SLC35F2: variants seen among roughly 807,000 people sequenced by gnomAD.
SLC35F2 encodes queuine/queuosine transporter SLC35F2.
Under a neutral mutation model 38.1 loss-of-function variants are expected in SLC35F2, and 25 were observed. That is an observed-to-expected ratio of 0.66 (90% CI 0.48 to 0.92). SLC35F2 has a LOEUF of 0.92. SLC35F2 is among the 40% of genes least tolerant of loss of function. SLC35F2 has a pLI of 0.00. For synonymous variants in SLC35F2, 173 were observed against 181.7 expected (o/e 0.95, Z 0.38); for missense variants, 409 against 452.9 (o/e 0.90, Z 0.88).
intron 1 of SLC35F2, among the ~76,000 whole-genome samples, chr11:107,827,471 G>A (rs1402242721): frequency 6.6e-6 from 1 of 152,116 alleles, no homozygotes; most frequent in African/African-American, 2.4e-5. Flanking sequence ...AAAAATGGCT[G>A]GATGTGGTGG....
chr11:107,818,834 C>T (rs185929077), intron 1 of SLC35F2, among the ~76,000 whole-genome samples: 30 of 152,026 alleles, frequency 2.0e-4, no homozygotes, highest in African/African-American at 7.0e-4. Context: ...AGTTTTTAGC[C>T]AGGTGGTAGA....
At chr11:107,807,017 G>T in intron 3 of SLC35F2, 141 bp from the exon 4 acceptor site, 2 of 681,602 alleles carry the variant, frequency 2.9e-6, no homozygotes, top group Non-Finnish European at 2.4e-6. Flanking sequence ...TGTACTAAGA[G>T]CTTTACCTGG....
At chr11:107,817,666 C>T (rs1859597399) in intron 1 of SLC35F2, among the ~76,000 whole-genome samples, 1 of 152,172 alleles carries the variant, frequency 6.6e-6, no homozygotes, top group South Asian at 2.1e-4. Flanking sequence ...ACTCTCACAG[C>T]TTATTTCATT....
chr11:107,812,151 C>T (rs1467492083), intron 2 of SLC35F2, among the ~76,000 whole-genome samples: 1 of 151,524 alleles, frequency 6.6e-6, no homozygotes, highest in Non-Finnish European at 1.5e-5. Flanking sequence ...AGTGATCTGC[C>T]TGCCTCAGCT....
chr11:107,820,828 C>A (rs914581216), intron 1 of SLC35F2, among the ~76,000 whole-genome samples: 1 of 152,002 alleles, frequency 6.6e-6, no homozygotes, highest in Non-Finnish European at 1.5e-5. Context: ...TAGTGGCAGG[C>A]GCCTGTAATC....
chr11:107,814,250 G>A (rs1336430617), intron 2 of SLC35F2, among the ~76,000 whole-genome samples: 2 of 151,938 alleles, frequency 1.3e-5, no homozygotes, highest in Admixed American at 1.3e-4. Flanking sequence ...GACAGATCAC[G>A]TAAGGTCAGG....
intron 1 of SLC35F2, among the ~76,000 whole-genome samples, chr11:107,837,926 A>G (rs1859956914): frequency 6.8e-6 from 1 of 147,930 alleles, no homozygotes; most frequent in African/African-American, 2.5e-5. Context: ...TTATACACAC[A>G]TAGTCTCACA....
chr11:107,857,889 T>G (rs961722740), intron 1 of SLC35F2, among the ~76,000 whole-genome samples: 2 of 152,178 alleles, frequency 1.3e-5, no homozygotes, highest in Admixed American at 1.3e-4. Flanking sequence ...GCTGATATTA[T>G]CCATATAAAT....
chr11:107,811,910 T>C (rs1859487767), intron 2 of SLC35F2, 116 bp from the exon 3 acceptor site: 1 of 1,030,158 alleles, frequency 9.7e-7, no homozygotes, highest in South Asian at 1.6e-5. Flanking sequence ...TTTTTCTTCT[T>C]CTTCTTTTTG....
rs1336499959 is a variant in SLC35F2, at chr11:107,791,955, T to C, written c.*660A>G. 6.6e-6 allele frequency: 1 copy of C among 152,114 alleles called. No homozygotes were observed. Among genetic ancestry groups the C allele is most frequent in the African/African-American group, 2.4e-5 (1 of 41,402 alleles). 9.4% of individuals were successfully genotyped at this position (152,114 alleles called of 1,614,324 possible). ...TTACAGTAAGCTGAGCTTGCACCAC[T>C]GCACTCTAGACTCTGCATCTCAAAC... is the stretch of plus-strand genomic sequence containing the variant. On this transcript the variant is annotated 3_prime_UTR_variant, in exon 8 of 8. Transcript: ENST00000525815.
At chr11:107,834,627 G>A (rs1177846946) in intron 1 of SLC35F2, among the ~76,000 whole-genome samples, 1 of 152,146 alleles carries the variant, frequency 6.6e-6, no homozygotes, top group Non-Finnish European at 1.5e-5. Flanking sequence ...TCCACCCTAG[G>A]TGACAAGAGT....
At chr11:107,846,268 G>C (rs942660813) in intron 1 of SLC35F2, among the ~76,000 whole-genome samples, 1 of 151,690 alleles carries the variant, frequency 6.6e-6, no homozygotes. Context: ...AAAAAAATCA[G>C]ACAAATAATC....
chr11:107,851,803 T>C (rs2134863407), intron 1 of SLC35F2, among the ~76,000 whole-genome samples: 1 of 152,146 alleles, frequency 6.6e-6, no homozygotes, highest in South Asian at 2.1e-4. Context: ...GGAGAAGAAT[T>C]TATGGAGACT....
rs1860204952 is a variant in SLC35F2, at chr11:107,852,643, G to A, written c.110+6015C>T. On this transcript the variant is annotated intron_variant, in intron 1 of 7. Coordinates refer to ENST00000525815, the MANE Select transcript of SLC35F2 (RefSeq NM_017515.5). Reference sequence around the variant, plus strand: ...CCAGCACTTTGGAGGGGGCCGAGATGAGCAGGTCACCTGAGGTCAGGAGTT... The same window carrying A: ...CCAGCACTTTGGAGGGGGCCGAGATAAGCAGGTCACCTGAGGTCAGGAGTT... Among the ~76,000 whole-genome samples, 5 of 152,002 alleles carry A rather than the reference G, an allele frequency of 3.3e-5. No homozygotes were observed. In the South Asian group the frequency reaches 1.0e-3, roughly 31 times the overall value.
At chr11:107,829,414 A>G (rs1859802478) in intron 1 of SLC35F2, among the ~76,000 whole-genome samples, 1 of 146,768 alleles carries the variant, frequency 6.8e-6, no homozygotes, top group Non-Finnish European at 1.5e-5. Flanking sequence ...GTGAGACTAC[A>G]TCTCAAAAAA....
intron 1 of SLC35F2, among the ~76,000 whole-genome samples, chr11:107,857,469 C>G (rs1315289793): frequency 6.6e-6 from 1 of 152,194 alleles, no homozygotes; most frequent in Non-Finnish European, 1.5e-5. Flanking sequence ...AGCCATTACA[C>G]TGAATTGCCT....
At chr11:107,809,238 C>T (rs886400286) in intron 3 of SLC35F2, among the ~76,000 whole-genome samples, 2 of 149,360 alleles carry the variant, frequency 1.3e-5, no homozygotes, top group African/African-American at 2.5e-5. Flanking sequence ...AATCCCAGCA[C>T]TATGAGAGGC....
At chr11:107,846,341 T>G (rs1423826462) in intron 1 of SLC35F2, among the ~76,000 whole-genome samples, 1 of 152,208 alleles carries the variant, frequency 6.6e-6, no homozygotes, top group Admixed American at 6.5e-5. Context: ...ATGATGATCC[T>G]GAATCATGAA....
chr11:107,801,198 C>T (rs1329435170), intron 7 of SLC35F2, among the ~76,000 whole-genome samples: 1 of 151,786 alleles, frequency 6.6e-6, no homozygotes. Flanking sequence ...TAAGCCATTG[C>T]ACCTGGCCCT....
Sources: allele counts gnomAD v4.1 joint callset (sites outside exome capture counted in the v4.1 genomes callset), GRCh38; gene constraint gnomAD v4.1.1; transcripts MANE v1.5; gene names NCBI Gene and HGNC (gene_info 2026-07-23, HGNC 2026-07-21).